Variants in DBR1 observed in about 807,000 individuals in gnomAD.
DBR1 encodes debranching RNA lariats 1, also known as lariat debranching enzyme.
A neutral mutation model predicts 45.9 loss-of-function variants in DBR1; 33 were observed. That is an observed-to-expected ratio of 0.72 (90% confidence interval 0.55 to 0.96). The LOEUF is 0.96. Among genes scored for constraint, DBR1 ranks in the 40% least tolerant of loss-of-function variants. The probability of loss-of-function intolerance (pLI) is 0.00; values close to 1 mark genes in which losing one functional copy is unlikely to be tolerated. For synonymous variants in DBR1, 235 were observed against 235.9 expected (o/e 1.00, Z 0.04); for missense variants, 619 against 667.4 (o/e 0.93, Z 0.80).
intron 5 of DBR1, among the ~76,000 whole-genome samples, chr3:138,164,754 C>G (rs1480320691): frequency 1.3e-5 from 2 of 152,226 alleles, no homozygotes; most frequent in African/African-American, 4.8e-5. Context: ...TCAAGTGATT[C>G]TCATGTCTCA....
intron 4 of DBR1, among the ~76,000 whole-genome samples, chr3:138,168,939 G>T (rs1173674337): frequency 1.3e-5 from 2 of 152,002 alleles, no homozygotes; most frequent in African/African-American, 4.8e-5. Context: ...CTCCAGCCTG[G>T]GTGACAGAGT....
chr3:138,174,555 T>G, intron 1 of DBR1, 44 bp downstream of exon 1: 3 of 1,437,548 alleles, frequency 2.1e-6, no homozygotes, highest in Non-Finnish European at 2.9e-6. Context: ...GGGAACCCAG[T>G]CCCACCCCCC....
rs2042916179 is a variant in DBR1 at position 138,163,343 on chromosome 3, A to T, written c.941+6T>A. 3 of 1,610,908 alleles carry T rather than the reference A, an allele frequency of 1.9e-6. No homozygotes were observed. In the African/African-American group the frequency reaches 4.0e-5, roughly 22 times the overall value. ...AAAAGCAGGTCCTAAATAAAGTCTG[A>T]CTTACCTTGCATGCAGGCCATTATT... On this transcript the variant is annotated splice_donor_region_variant and intron_variant, in intron 7 of 7. Coordinates refer to ENST00000260803, the MANE Select transcript of DBR1 (RefSeq NM_016216.4).
In DBR1 at chr3:138,170,162, G is replaced by T; in HGVS notation, c.434C>A (p.Ser145Tyr). 1 of 1,597,868 alleles carries T rather than the reference G, an allele frequency of 6.3e-7. No individual in the cohort carries two copies. The highest frequency in any genetic ancestry group is 8.5e-7 in the Non-Finnish European group (1 of 1,170,474). The change falls in exon 4 of 8, where the codon TCT (serine) becomes TAT (tyrosine). Residue 145 changes from serine to tyrosine, a missense_variant. Ser to Tyr is a moderately radical substitution (Grantham distance 144, BLOSUM62 -2). Coordinates refer to ENST00000260803, the MANE Select transcript of DBR1 (RefSeq NM_016216.4). ...GHFECPPYNS[S>Y]TIRSIYHVRN... ...CACATGATATATACTCCTGATTGTA[G>T]ATGAATTATAAGGGGGGCACTCAAA...
chr3:138,171,709 C>T lies in DBR1; in HGVS notation c.327G>A (p.Leu109=), dbSNP rs2042956540. Residue 109 remains leucine (L), a synonymous_variant, in exon 3 of 8, where the codon TTG becomes TTA. Transcript: ENST00000260803. ...CACCTCGGTATTTTACCACACCAGC[C>T]AAACCTAAACAATACAGTTAAATAA... ...WVAPNIYYLG[L]AGVVKYRGVR... The T allele has an allele frequency of 1.9e-6, 3 of 1,610,720 alleles. No individual in the cohort carries two copies. The highest frequency in any genetic ancestry group is 2.5e-6 in the Non-Finnish European group (3 of 1,177,050).
intron 4 of DBR1, among the ~76,000 whole-genome samples, chr3:138,167,538 G>T (rs2107903968): frequency 6.6e-6 from 1 of 152,288 alleles, no homozygotes; most frequent in Middle Eastern, 3.4e-3. Context: ...ATTTTCAGTG[G>T]CAAGGCAAGG....
At position 138,162,525 on chromosome 3, in the gene DBR1, A is replaced by T; in HGVS notation, c.999T>A (p.His333Gln). Residue 333 changes from histidine to glutamine, a missense_variant, in exon 8 of 8, where the codon CAT (histidine) becomes CAA (glutamine). Physicochemically the swap from His to Gln is conservative, Grantham distance 24. This residue lies in a region of DBR1 where 430 missense variants were observed against 447.7 expected (regional missense o/e 0.96). Transcript: ENST00000260803. ...GMKEVLEKLN[H>Q]DLKVPCNFSV... ...TAAAGTTACATGGAACCTTGAGATC[A>T]TGATTCAATTTTTCCAATACTTCTT... 6.2e-7 allele frequency: 1 copy of T among 1,613,550 alleles called. No homozygotes were observed. Among genetic ancestry groups the T allele is most frequent in the Non-Finnish European group, 8.5e-7 (1 of 1,179,436 alleles).
At position 138,162,484 on chromosome 3, in the gene DBR1, C is replaced by T. The variant is rs760755263; in HGVS notation, c.1040G>A (p.Cys347Tyr). 2.6e-5 allele frequency: 42 copies of T among 1,614,008 alleles called. No homozygotes were observed. Among genetic ancestry groups the T allele is most frequent in the Non-Finnish European group, 2.9e-5 (34 of 1,180,018 alleles). ...VPCNFSVTAACYDPSKPQTQM... is the reference protein window; with the variant it reads ...VPCNFSVTAAYYDPSKPQTQM... ...TGTCTGTGGCTTGCTAGGATCATAACAAGCAGCTGTTACACTAAAGTTACA... is the reference window on the plus strand; with the variant it reads ...TGTCTGTGGCTTGCTAGGATCATAATAAGCAGCTGTTACACTAAAGTTACA... Residue 347 changes from cysteine to tyrosine, a missense_variant, in exon 8 of 8, where the codon TGT (cysteine) becomes TAT (tyrosine). Cys to Tyr is a radical substitution (Grantham distance 194). Transcript: ENST00000260803.
chr3:138,164,812 A>C (rs2042923049), intron 5 of DBR1, among the ~76,000 whole-genome samples: 1 of 152,122 alleles, frequency 6.6e-6, no homozygotes, highest in African/African-American at 2.4e-5. Context: ...ATGCCCAGCT[A>C]ATTTTTGTAT....
chr3:138,167,033 T>G, intron 5 of DBR1, 48 bp downstream of exon 5: 1 of 1,519,204 alleles, frequency 6.6e-7, no homozygotes, highest in South Asian at 1.1e-5. Flanking sequence ...GGTCCATAGA[T>G]GTTCAATAGT....
In DBR1 at chr3:138,170,093, C is replaced by A. The variant is rs201702427; in HGVS notation, c.489+14G>T. ...AAATGTTTTCAAGTCTGCTGTAATG[C>A]GCTTTTTACGTACCTGTTTTAATTT... On this transcript the variant is annotated intron_variant, in intron 4 of 7. Transcript: ENST00000260803. The A allele has an allele frequency of 5.4e-6, 8 of 1,492,526 alleles. No individual in the cohort carries two copies. In the Admixed American group the frequency reaches 1.4e-4, roughly 26 times the overall value. The allele number at this position is 1,492,526 out of a possible 1,614,324, so 92.5% of individuals were successfully genotyped here.
rs778655026 is a variant in DBR1, at chr3:138,162,002, C to A, written c.1522G>T (p.Val508Leu). Residue 508 changes from valine (V) to leucine (L), a missense_variant, in exon 8 of 8, where the codon GTG (valine) becomes TTG (leucine). By Grantham distance (32) the Val-to-Leu change is conservative. Coordinates refer to ENST00000260803, the MANE Select transcript of DBR1 (RefSeq NM_016216.4). ...TCATCACTCAGCCTCTTCAATGGCA[C>A]CTTGGTTAAGTCCTCTCCATTCCCT... Reference protein sequence around the residue: ...ESGNGEDLTKVPLKRLSDEHE... With the variant: ...ESGNGEDLTKLPLKRLSDEHE... 4 of 1,614,138 alleles carry A rather than the reference C, an allele frequency of 2.5e-6. No individual in the cohort carries two copies. Among genetic ancestry groups the A allele is most frequent in the Non-Finnish European group, 3.4e-6 (4 of 1,180,038 alleles).
intron 4 of DBR1, 60 bp downstream of exon 4, chr3:138,170,047 T>C (rs2042947479): frequency 9.2e-7 from 1 of 1,092,474 alleles, no homozygotes; most frequent in Admixed American, 1.9e-5. Flanking sequence ...CCAAAATACA[T>C]TTTGGCACAG....
rs1177937395 is a variant in DBR1 at position 138,174,763 on chromosome 3, G to A, written c.33C>T (p.Gly11=). 1.2e-6 allele frequency: 2 copies of A among 1,611,622 alleles called. No individual in the cohort carries two copies. The highest frequency in any genetic ancestry group is 1.7e-6 in the Non-Finnish European group (2 of 1,179,656). ...GCGTCTCATAGATCTTATCCAGCTC[G>A]CCGTGGCAGCAGCCAGCCACAGCCA... MRVAVAGCCH[G]ELDKIYETLA... The change falls in exon 1 of 8, where the codon GGC becomes GGT. Residue 11 remains glycine (G), a synonymous_variant. Transcript: ENST00000260803.
chr3:138,163,157 G>A (rs932246042), intron 7 of DBR1, among the ~76,000 whole-genome samples, 192 bp downstream of exon 7: 5 of 152,140 alleles, frequency 3.3e-5, no homozygotes, highest in Non-Finnish European at 7.3e-5. Context: ...CTACTCTGGG[G>A]GCAGAGGTGG....
rs1245978105 is a variant in DBR1, at chr3:138,161,285, T to A, written c.*604A>T. ...TGGTCCCATATTATAGCAGAGTGCTTGGCACAGAGTAGATGTTAAGTAAGT... is the reference window on the plus strand; with the variant it reads ...TGGTCCCATATTATAGCAGAGTGCTAGGCACAGAGTAGATGTTAAGTAAGT... On this transcript the variant is annotated 3_prime_UTR_variant, in exon 8 of 8. Transcript: ENST00000260803. 2.6e-5 allele frequency: 4 copies of A among 152,574 alleles called. No individual in the cohort carries two copies. Among genetic ancestry groups the A allele is most frequent in the African/African-American group, 7.2e-5 (3 of 41,422 alleles). The allele number at this position is 152,574 out of a possible 1,614,324, so 9.5% of individuals were successfully genotyped here. A position where few individuals can be genotyped will look rare whatever the true frequency, so the allele number is the denominator to read the frequency against.
At chr3:138,165,118 T>C (rs1289730349) in intron 5 of DBR1, among the ~76,000 whole-genome samples, 1 of 152,110 alleles carries the variant, frequency 6.6e-6, no homozygotes, top group Non-Finnish European at 1.5e-5. Context: ...GAGCATGGCC[T>C]CTAAAAGGCA....
chr3:138,163,350 T>C lies in DBR1; in HGVS notation c.940A>G (p.Arg314Gly), dbSNP rs750828935. The change falls in exon 7 of 8, where the codon AGG becomes GGG. Residue 314 changes from arginine (R) to glycine (G), a missense_variant and splice_region_variant. By Grantham distance (125) the Arg-to-Gly change is moderately radical. Transcript: ENST00000260803. The part of the protein sequence containing the change: ...NMPENNGLHA[R>G]WDYSATEEGM... ...GGTCCTAAATAAAGTCTGACTTACC[T>C]TGCATGCAGGCCATTATTTTCTGGC... The C allele has an allele frequency of 1.9e-6, 3 of 1,612,664 alleles. No individual in the cohort carries two copies. The highest frequency in any genetic ancestry group is 1.7e-4 in the Middle Eastern group (1 of 6,054).
At chr3:138,163,522 T>C in intron 6 of DBR1, 28 bp from the exon 7 acceptor site, 1 of 1,412,144 alleles carries the variant, frequency 7.1e-7, no homozygotes, top group South Asian at 1.5e-5. Context: ...TGTTAAGAAA[T>C]ACATATATAT....
Sources: gnomAD v4.1 joint callset for allele counts (sites outside exome capture counted in the v4.1 genomes callset) on GRCh38, gnomAD v4.1.1 for gene constraint, gnomAD v4.1.1 regional missense constraint, MANE v1.5 for transcripts, NCBI Gene and HGNC (gene_info 2026-07-23, HGNC 2026-07-21) for gene names.